Variants in KCNQ5 observed in about 807,000 individuals in gnomAD.
The protein encoded by KCNQ5 is potassium voltage-gated channel subfamily Q member 5.
A neutral mutation model predicts 98.2 loss-of-function variants in KCNQ5; 30 were observed. The observed-to-expected ratio is 0.31, with a 90% CI of 0.23 to 0.41. KCNQ5 has a LOEUF of 0.41. Among genes scored for constraint, KCNQ5 ranks in the 10% least tolerant of loss-of-function variants. The probability of loss-of-function intolerance (pLI) is 1.00; values close to 1 mark genes in which losing one functional copy is unlikely to be tolerated. For synonymous variants in KCNQ5, 458 were observed against 449.4 expected, an observed-to-expected ratio of 1.02 and a Z score of -0.24; for missense variants, 835 against 1,182.5, an observed-to-expected ratio of 0.71 and a Z score of 4.31.
At chr6:73,092,192 T>G (rs913236772) in intron 5 of KCNQ5, among the ~76,000 whole-genome samples, 1 of 152,122 alleles carries the variant, frequency 6.6e-6, no homozygotes, top group Non-Finnish European at 1.5e-5. Context: ...TCGCTGTTGG[T>G]GTATAGAAGA....
At chr6:72,968,297 T>A (rs775001676) in intron 1 of KCNQ5, among the ~76,000 whole-genome samples, 3 of 152,166 alleles carry the variant, frequency 2.0e-5, no homozygotes, top group Non-Finnish European at 2.9e-5. Context: ...TGGAAAACAG[T>A]CTGGGGAATA....
intron 6 of KCNQ5, 94 bp from the exon 7 acceptor site, chr6:73,111,214 C>T: frequency 1.2e-6 from 1 of 821,210 alleles, no homozygotes. Context: ...TACCGTTTGT[C>T]TTCTCTCAGA....
intron 1 of KCNQ5, among the ~76,000 whole-genome samples, chr6:72,907,636 A>G (rs1363737619): frequency 6.6e-6 from 1 of 152,154 alleles, no homozygotes; most frequent in African/African-American, 2.4e-5. Flanking sequence ...CCTATCAATC[A>G]TATGACATGA....
intron 1 of KCNQ5, among the ~76,000 whole-genome samples, chr6:72,741,689 C>A (rs952718571): frequency 2.0e-5 from 3 of 151,898 alleles, no homozygotes; most frequent in African/African-American, 7.3e-5. Flanking sequence ...TACTATAAAG[C>A]CACAAAATGA....
At chr6:72,996,295 G>A (rs1385111145) in intron 1 of KCNQ5, among the ~76,000 whole-genome samples, 2 of 152,148 alleles carry the variant, frequency 1.3e-5, no homozygotes, top group African/African-American at 4.8e-5. Context: ...CCAAGGCAAG[G>A]AAACAAATAT....
At chr6:73,100,463 G>A (rs551911800) in intron 5 of KCNQ5, among the ~76,000 whole-genome samples, 8 of 151,940 alleles carry the variant, frequency 5.3e-5, no homozygotes, top group African/African-American at 1.4e-4. Flanking sequence ...TCAGGAGACC[G>A]AGACCATCCT....
intron 1 of KCNQ5, among the ~76,000 whole-genome samples, chr6:72,722,365 C>T (rs1237006966): frequency 1.3e-5 from 2 of 152,188 alleles, no homozygotes; most frequent in Non-Finnish European, 2.9e-5. Context: ...TTCCCCTTCT[C>T]TGAAGTTCTA....
chr6:73,126,282 C>A (rs534462274), intron 9 of KCNQ5, among the ~76,000 whole-genome samples: 1 of 152,140 alleles, frequency 6.6e-6, no homozygotes, highest in East Asian at 1.9e-4. Flanking sequence ...TCCTCCAAAA[C>A]GGAGCTGTTA....
chr6:73,126,561 G>A (rs866096031), intron 9 of KCNQ5, among the ~76,000 whole-genome samples: 2 of 152,184 alleles, frequency 1.3e-5, no homozygotes, highest in East Asian at 1.9e-4. Flanking sequence ...ATATATCTAC[G>A]ACATTTACCT....
intron 1 of KCNQ5, among the ~76,000 whole-genome samples, chr6:72,957,533 A>G (rs1423482804): frequency 6.6e-6 from 1 of 152,028 alleles, no homozygotes; most frequent in Non-Finnish European, 1.5e-5. Context: ...ATTTACTTTC[A>G]TCTTTGGAGC....
intron 1 of KCNQ5, among the ~76,000 whole-genome samples, chr6:72,718,408 G>A (rs1387498949): frequency 6.6e-6 from 1 of 150,410 alleles, no homozygotes; most frequent in African/African-American, 2.4e-5. Context: ...TGGAGATTGA[G>A]GAGCTAAGCC....
intron 2 of KCNQ5, among the ~76,000 whole-genome samples, chr6:73,015,577 A>T (rs16883160): frequency 3.3e-5 from 5 of 152,024 alleles, no homozygotes; most frequent in South Asian, 4.1e-4. Context: ...CTATGCTACC[A>T]AACTCTGTAC....
chr6:72,639,270 T>C (rs2098925890), intron 1 of KCNQ5, among the ~76,000 whole-genome samples: 1 of 152,056 alleles, frequency 6.6e-6, no homozygotes, highest in African/African-American at 2.4e-5. Flanking sequence ...TCTCAAAGGA[T>C]TGCAATGGGA....
At chr6:72,779,829 G>C (rs1455571187) in intron 1 of KCNQ5, among the ~76,000 whole-genome samples, 2 of 9,916 alleles carry the variant, frequency 2.0e-4, no homozygotes, top group South Asian at 3.8e-3. Flanking sequence ...TTCTGTGTGT[G>C]TGTGTGTGTG....
At chr6:73,137,092 A>G (rs1776503617) in intron 10 of KCNQ5, among the ~76,000 whole-genome samples, 1 of 148,930 alleles carries the variant, frequency 6.7e-6, no homozygotes, top group Non-Finnish European at 1.5e-5. Flanking sequence ...ATTGAAAGAT[A>G]GTATAATAGA....
At chr6:73,053,883 C>T (rs551995039) in intron 3 of KCNQ5, among the ~76,000 whole-genome samples, 4 of 152,018 alleles carry the variant, frequency 2.6e-5, no homozygotes, top group African/African-American at 9.6e-5. Context: ...CGCAAAAAAA[C>T]ATACAGAAGA....
intron 1 of KCNQ5, among the ~76,000 whole-genome samples, chr6:72,767,345 G>A (rs751200104): frequency 4.6e-4 from 70 of 151,848 alleles, no homozygotes; most frequent in Non-Finnish European, 5.9e-4. Context: ...AGTCAAAATG[G>A]ATCAAGACCT....
chr6:72,700,509 C>T (rs1768749652), intron 1 of KCNQ5, among the ~76,000 whole-genome samples: 1 of 152,116 alleles, frequency 6.6e-6, no homozygotes, highest in African/African-American at 2.4e-5. Context: ...AACACAATAT[C>T]CAGTTCTGTG....
intron 9 of KCNQ5, among the ~76,000 whole-genome samples, chr6:73,130,100 T>C (rs1776165027): frequency 6.6e-6 from 1 of 152,252 alleles, no homozygotes; most frequent in South Asian, 2.1e-4. Flanking sequence ...GGCGCCTCCT[T>C]GTGGTTGGAC....
Sources: allele counts gnomAD v4.1 joint callset (sites outside exome capture counted in the v4.1 genomes callset), GRCh38; gene constraint gnomAD v4.1.1; transcripts MANE v1.5; gene names NCBI Gene and HGNC (gene_info 2026-07-23, HGNC 2026-07-21).